Variants in GPR137C observed in about 807,000 individuals in gnomAD.
GPR137C encodes the protein integral membrane protein GPR137C.
GPR137C carries 27 observed loss-of-function variants against 43.4 expected under a neutral mutation model. The ratio of observed to expected loss-of-function variants is 0.62; its 90% CI spans 0.46 to 0.86. The LOEUF (loss-of-function observed/expected upper bound fraction) is 0.86, where lower values mean the gene tolerates loss of function less well. Among genes scored for constraint, GPR137C ranks in the 40% least tolerant of loss-of-function variants. The pLI is 0.00. For missense variants in GPR137C, 522 were observed against 534.6 expected (o/e 0.98, Z 0.23); for synonymous variants, 285 against 226.9 (o/e 1.26, Z -2.30).
intron 1 of GPR137C, among the ~76,000 whole-genome samples, chr14:52,555,746 C>T (rs1290211660): frequency 6.6e-6 from 1 of 152,046 alleles, no homozygotes; most frequent in Non-Finnish European, 1.5e-5. Context: ...CTTTGTAATG[C>T]CTGCTAAAAA....
At chr14:52,597,489 A>G (rs1324965349) in intron 1 of GPR137C, among the ~76,000 whole-genome samples, 1 of 152,170 alleles carries the variant, frequency 6.6e-6, no homozygotes, top group Non-Finnish European at 1.5e-5. Flanking sequence ...CTCTACTTCA[A>G]TAGTCCTGTA....
In GPR137C at chr14:52,600,277, C is replaced by T. The variant is rs777576085; in HGVS notation, c.653C>T (p.Ser218Phe). 2.5e-6 allele frequency: 4 copies of T among 1,613,360 alleles called. No individual in the cohort carries two copies. Among genetic ancestry groups the T allele is most frequent in the South Asian group, 1.1e-5 (1 of 91,070 alleles). ...AGCCTGTTTATTCTTTGTGCCATCT[C>T]TTTAGTGTGTTACATATGCAAAATT... is the stretch of plus-strand genomic sequence containing the variant. Reference protein sequence around the residue: ...NDSLFILCAISLVCYICKITK... With the variant: ...NDSLFILCAIFLVCYICKITK... The change falls in exon 3 of 7, where the codon TCT becomes TTT. Residue 218 changes from serine to phenylalanine, a missense_variant. By Grantham distance (155) the Ser-to-Phe change is radical. This residue lies in a region of GPR137C where 437 missense variants were observed against 425.7 expected (regional missense o/e 1.03). Transcript: ENST00000321662.
intron 3 of GPR137C, among the ~76,000 whole-genome samples, chr14:52,603,696 G>A (rs541540682): frequency 2.4e-4 from 37 of 151,926 alleles, no homozygotes; most frequent in Non-Finnish European, 4.9e-4. Flanking sequence ...CACCACGCCT[G>A]GCTAAATTTT....
chr14:52,626,002 A>G (rs113475118), intron 3 of GPR137C, among the ~76,000 whole-genome samples: 1,581 of 152,338 alleles, frequency 0.01, 23 homozygotes, highest in Admixed American at 0.037. Context: ...ATAAATACAA[A>G]GTAACAATAC....
At chr14:52,583,043 TAGAA>T (rs1346193209) in intron 1 of GPR137C, among the ~76,000 whole-genome samples, 3 of 152,132 alleles carry the variant, frequency 2.0e-5, no homozygotes, top group Non-Finnish European at 4.4e-5. Flanking sequence ...TATACTTTCA[TAGAA>T]AGAATAATAT....
intron 3 of GPR137C, among the ~76,000 whole-genome samples, chr14:52,614,085 T>G (rs988676689): frequency 6.6e-6 from 1 of 152,148 alleles, no homozygotes; most frequent in Non-Finnish European, 1.5e-5. Context: ...AGTTTTGATT[T>G]GTATTTCTCT....
At chr14:52,589,267 G>A (rs959482321) in intron 1 of GPR137C, among the ~76,000 whole-genome samples, 6 of 152,150 alleles carry the variant, frequency 3.9e-5, no homozygotes, top group African/African-American at 1.4e-4. Flanking sequence ...TGGGTATAGA[G>A]TTTCAGTTTG....
intron 1 of GPR137C, among the ~76,000 whole-genome samples, chr14:52,597,199 G>A (rs1340216608): frequency 6.6e-6 from 1 of 152,102 alleles, no homozygotes. Context: ...CCCTTTCTTG[G>A]AGTGAATTAG....
chr14:52,563,763 C>T (rs2038322465), intron 1 of GPR137C, among the ~76,000 whole-genome samples: 1 of 152,146 alleles, frequency 6.6e-6, no homozygotes, highest in African/African-American at 2.4e-5. Context: ...TTCTTTCTCC[C>T]TCATTACGCA....
intron 1 of GPR137C, among the ~76,000 whole-genome samples, chr14:52,572,727 G>C (rs570184496): frequency 2.0e-5 from 3 of 152,148 alleles, no homozygotes; most frequent in Non-Finnish European, 4.4e-5. Context: ...ATTCAACATA[G>C]TATTGGAAGT....
chr14:52,579,562 G>C (rs904442181), intron 1 of GPR137C, among the ~76,000 whole-genome samples: 2 of 152,194 alleles, frequency 1.3e-5, no homozygotes, highest in Non-Finnish European at 2.9e-5. Context: ...TGTGTTGGGT[G>C]TCCCTAAGGC....
chr14:52,625,088 T>C (rs1360779949), intron 3 of GPR137C, among the ~76,000 whole-genome samples: 1 of 152,194 alleles, frequency 6.6e-6, no homozygotes, highest in Non-Finnish European at 1.5e-5. Flanking sequence ...ATTAAAGTTA[T>C]TATCAGAAAT....
rs763398548 is a variant in GPR137C at position 52,553,516 on chromosome 14, C to G, written c.369C>G (p.Pro123=). The change falls in exon 1 of 7, where the codon CCC becomes CCG. Residue 123 remains proline, a synonymous_variant. Transcript: ENST00000321662. ...CGCCCGCTCACCTGCACTTCTTCCCCCACTGGCTGCTCTACTGCTTCCCCT... is the reference window on the plus strand; with the variant it reads ...CGCCCGCTCACCTGCACTTCTTCCCGCACTGGCTGCTCTACTGCTTCCCCT... ...LRPPAHLHFF[P]HWLLYCFPSC... is the part of the protein sequence containing the mutation. 1.2e-6 allele frequency: 2 copies of G among 1,609,510 alleles called. No homozygotes were observed. The highest frequency in any genetic ancestry group is 1.7e-6 in the Non-Finnish European group (2 of 1,179,680).
rs372234481 is a variant in GPR137C at position 52,579,174 on chromosome 14, G to C, written c.445-19098G>C. Among the ~76,000 whole-genome samples, 8 of 152,284 alleles carry C rather than the reference G, an allele frequency of 5.3e-5. No homozygotes were observed. In the East Asian group the frequency reaches 1.5e-3, roughly 29 times the overall value. On this transcript the variant is annotated intron_variant, in intron 1 of 6. Transcript: ENST00000321662. The stretch of plus-strand genomic sequence containing the variant: ...TTTGAGAACCTAGTCAGGGAAGAGG[G>C]TTGGGGTGGGGGAGAATCTTTATGC...
At chr14:52,593,210 A>G (rs1209270384) in intron 1 of GPR137C, among the ~76,000 whole-genome samples, 1 of 152,108 alleles carries the variant, frequency 6.6e-6, no homozygotes, top group African/African-American at 2.4e-5. Context: ...AAGCTTTTTG[A>G]TGTGCTGCTG....
chr14:52,623,099 G>A (rs2039178979), intron 3 of GPR137C, among the ~76,000 whole-genome samples: 1 of 152,072 alleles, frequency 6.6e-6, no homozygotes, highest in African/African-American at 2.4e-5. Flanking sequence ...TTCCTATCAG[G>A]CGTTGACATA....
chr14:52,570,889 G>A (rs538012778), intron 1 of GPR137C, among the ~76,000 whole-genome samples: 78 of 151,948 alleles, frequency 5.1e-4, no homozygotes, highest in African/African-American at 1.8e-3. Flanking sequence ...CAATAATAGT[G>A]GGAGACTTTA....
chr14:52,560,772 C>T (rs927303441), intron 1 of GPR137C, among the ~76,000 whole-genome samples: 1 of 152,170 alleles, frequency 6.6e-6, no homozygotes, highest in Non-Finnish European at 1.5e-5. Flanking sequence ...ATAGACCTAA[C>T]TGTAAAAGCT....
intron 3 of GPR137C, among the ~76,000 whole-genome samples, chr14:52,627,047 A>G (rs1486341930): frequency 6.6e-6 from 1 of 152,172 alleles, no homozygotes; most frequent in Non-Finnish European, 1.5e-5. Flanking sequence ...CCCCTAATGA[A>G]TCTGTAAATT....
Sources: gnomAD v4.1 joint callset for allele counts (sites outside exome capture counted in the v4.1 genomes callset) on GRCh38, gnomAD v4.1.1 for gene constraint, gnomAD v4.1.1 regional missense constraint, MANE v1.5 for transcripts, NCBI Gene and HGNC (gene_info 2026-07-23, HGNC 2026-07-21) for gene names.